Variants in ERC2 observed in about 807,000 individuals in gnomAD.
ERC2 encodes the protein ELKS/RAB6-interacting/CAST family member 2.
A neutral mutation model predicts 114.8 loss-of-function variants in ERC2; 42 were observed. The observed-to-expected ratio is 0.37, with a 90% CI of 0.29 to 0.47. The LOEUF is 0.47. ERC2 is among the 20% of genes least tolerant of loss of function. The probability of loss-of-function intolerance (pLI) is 0.99; values close to 1 mark genes in which losing one functional copy is unlikely to be tolerated. For synonymous variants in ERC2, 454 were observed against 425.5 expected (o/e 1.07, Z -0.82); for missense variants, 939 against 1,150.7 (o/e 0.82, Z 2.66).
At chr3:55,848,389 TCTTAA>T (rs1178478597) in intron 14 of ERC2, among the ~76,000 whole-genome samples, 1 of 152,186 alleles carries the variant, frequency 6.6e-6, no homozygotes, top group African/African-American at 2.4e-5. Flanking sequence ...CGCCTAAGCC[TCTTAA>T]CTTATGCCTG....
At chr3:55,693,285 C>T (rs1262812975) in intron 16 of ERC2, among the ~76,000 whole-genome samples, 1 of 152,230 alleles carries the variant, frequency 6.6e-6, no homozygotes, top group East Asian at 1.9e-4. Context: ...AGAAAAGTCA[C>T]TCTCTGAAAG....
intron 3 of ERC2, among the ~76,000 whole-genome samples, chr3:56,223,862 T>C (rs376779845): frequency 6.6e-6 from 1 of 152,352 alleles, no homozygotes; most frequent in South Asian, 2.1e-4. Flanking sequence ...TATCTCCACA[T>C]GTTAAAAGCT....
chr3:56,291,648 C>T (rs370283330), intron 3 of ERC2, among the ~76,000 whole-genome samples: 2 of 152,136 alleles, frequency 1.3e-5, no homozygotes, highest in Non-Finnish European at 2.9e-5. Context: ...CCAACCTACT[C>T]GAACTGTGCA....
chr3:55,772,876 C>T (rs2068327787), intron 14 of ERC2, among the ~76,000 whole-genome samples: 1 of 152,208 alleles, frequency 6.6e-6, no homozygotes, highest in Non-Finnish European at 1.5e-5. Context: ...CTCCCTGCCC[C>T]TGTACCCACA....
intron 6 of ERC2, among the ~76,000 whole-genome samples, chr3:56,128,094 AT>A (rs139451826): frequency 0.01 from 1,544 of 152,162 alleles, 32 homozygotes; most frequent in African/African-American, 0.035. Context: ...AAATTTTTAA[AT>A]TTTAAAAAAA....
chr3:55,604,986 A>G (rs550940131), intron 17 of ERC2, among the ~76,000 whole-genome samples: 134 of 152,292 alleles, frequency 8.8e-4, no homozygotes, highest in African/African-American at 3.1e-3. Context: ...GAGAATTTAC[A>G]TTACTAAGAA....
At chr3:55,638,090 C>T (rs1379698958) in intron 17 of ERC2, among the ~76,000 whole-genome samples, 23 of 152,224 alleles carry the variant, frequency 1.5e-4, no homozygotes, top group Non-Finnish European at 4.4e-5. Context: ...CCAAACCAGA[C>T]AGTGAGCCCG....
At chr3:55,582,650 A>G (rs2057319562) in intron 17 of ERC2, among the ~76,000 whole-genome samples, 1 of 152,222 alleles carries the variant, frequency 6.6e-6, no homozygotes, top group Non-Finnish European at 1.5e-5. Context: ...TCACAACTTC[A>G]TACTGTTTTT....
chr3:56,397,429 G>C (rs1303605994), intron 2 of ERC2, among the ~76,000 whole-genome samples: 2 of 151,776 alleles, frequency 1.3e-5, no homozygotes, highest in African/African-American at 4.8e-5. Flanking sequence ...TATTCTTTCA[G>C]ACAGGTCTAC....
intron 2 of ERC2, among the ~76,000 whole-genome samples, chr3:56,359,759 C>T (rs1233658623): frequency 6.6e-6 from 1 of 151,566 alleles, no homozygotes; most frequent in Non-Finnish European, 1.5e-5. Flanking sequence ...GGGAAGGCAA[C>T]GGGGAGCTGC....
chr3:55,707,714 A>G (rs709338), intron 15 of ERC2, among the ~76,000 whole-genome samples: 77,011 of 152,148 alleles, frequency 0.51, 21,442 homozygotes, highest in South Asian at 0.73. Context: ...CTGTGTTGGC[A>G]TCATCTCATT....
intron 2 of ERC2, among the ~76,000 whole-genome samples, chr3:56,361,427 C>T (rs2058954223): frequency 6.6e-6 from 1 of 151,764 alleles, no homozygotes; most frequent in Non-Finnish European, 1.5e-5. Context: ...CAGAGGAATC[C>T]AAAAACATAC....
At chr3:56,149,749 T>C (rs1440828969) in intron 4 of ERC2, among the ~76,000 whole-genome samples, 1 of 152,200 alleles carries the variant, frequency 6.6e-6, no homozygotes, top group Admixed American at 6.5e-5. Context: ...CATAATTTAT[T>C]TGGCGAGCAG....
chr3:55,706,640 G>A (rs1486429323), intron 15 of ERC2, among the ~76,000 whole-genome samples: 2 of 152,096 alleles, frequency 1.3e-5, no homozygotes, highest in Admixed American at 1.3e-4. Flanking sequence ...TTGAACTCCT[G>A]ACCTCAGGTG....
intron 2 of ERC2, among the ~76,000 whole-genome samples, chr3:56,411,895 C>T (rs2060954679): frequency 6.6e-6 from 1 of 152,164 alleles, no homozygotes; most frequent in African/African-American, 2.4e-5. Flanking sequence ...GGTTGTCATA[C>T]TGCAACAGAA....
chr3:55,656,599 T>C (rs1010400271), intron 17 of ERC2, among the ~76,000 whole-genome samples: 1 of 152,194 alleles, frequency 6.6e-6, no homozygotes, highest in Non-Finnish European at 1.5e-5. Context: ...CCTGTCTCCT[T>C]AGCATTACAA....
intron 10 of ERC2, among the ~76,000 whole-genome samples, chr3:56,006,185 A>T (rs1167090187): frequency 6.6e-6 from 1 of 152,084 alleles, no homozygotes; most frequent in Non-Finnish European, 1.5e-5. Context: ...CATCTCTGTA[A>T]AGTGAATACC....
At position 56,296,077 on chromosome 3, in the gene ERC2, A is replaced by AC. The variant is rs1310639752; in HGVS notation, c.1015dup (p.Val339GlyfsTer19). The AC allele has an allele frequency of 5.0e-6, 8 of 1,612,118 alleles. No homozygotes were observed. Among genetic ancestry groups the AC allele is most frequent in the Non-Finnish European group, 6.8e-6 (8 of 1,178,626 alleles). Reference sequence around the variant, plus strand: ...ATCTAAAATCACTTCCAAGTGGCTGACCTGAGACTCAGCCTCTGCCATCCG... The same window carrying AC: ...ATCTAAAATCACTTCCAAGTGGCTGACCCTGAGACTCAGCCTCTGCCATCCG... On this transcript the variant is annotated frameshift_variant, in exon 3 of 18. Coordinates refer to ENST00000288221, the MANE Select transcript of ERC2 (RefSeq NM_015576.3). LOFTEE classifies it high-confidence loss of function.
intron 12 of ERC2, among the ~76,000 whole-genome samples, chr3:55,969,645 C>T (rs929297379): frequency 3.9e-5 from 6 of 152,208 alleles, no homozygotes; most frequent in African/African-American, 1.4e-4. Flanking sequence ...AGTGTTAAGT[C>T]CTGCTTCCGA....
Sources: gnomAD v4.1 joint callset for allele counts (sites outside exome capture counted in the v4.1 genomes callset) on GRCh38, gnomAD v4.1.1 for gene constraint, MANE v1.5 for transcripts, NCBI Gene and HGNC (gene_info 2026-07-23, HGNC 2026-07-21) for gene names.